The following GPR151 variants were observed in gnomAD, a reference collection of about 807,000 sequenced individuals.
GPR151 encodes the protein G protein-coupled receptor 151.
In GPR151, 16 loss-of-function variants were observed where a neutral mutation model predicts 18.2. The observed-to-expected ratio is 0.88, with a 90% CI of 0.60 to 1.34. The LOEUF (loss-of-function observed/expected upper bound fraction) is 1.34. Ranked by LOEUF, GPR151 falls within the 40% of genes most tolerant of loss-of-function variation. GPR151 has a pLI of 0.00. For missense variants in GPR151, 509 were observed against 504.3 expected, an observed-to-expected ratio of 1.01 and a Z score of -0.09; for synonymous variants, 202 against 191.2, an observed-to-expected ratio of 1.06 and a Z score of -0.47.
Position 146,515,876 on chromosome 5 carries a change from G to C in GPR151, c.238C>G (p.Leu80Val). 4 of 1,614,206 alleles carry C rather than the reference G, an allele frequency of 2.5e-6. No homozygotes were observed. The change falls in exon 1 of 1, where the codon CTC (leucine) becomes GTC (valine). Residue 80 changes from leucine to valine, a missense_variant. Leu to Val is a conservative substitution (Grantham distance 32). Coordinates refer to ENST00000311104, the MANE Select transcript of GPR151 (RefSeq NM_194251.3). ...PSMIHSLILN[L>V]SLADLSLLLF... ...AGGAGGGAGAGATCAGCCAGGCTGA[G>C]ATTCAGAATCAGGGAGTGGATCATG... is the stretch of plus-strand genomic sequence containing the variant.
At position 146,515,144 on chromosome 5, in the gene GPR151, TC is replaced by T. The variant is rs747687705; in HGVS notation, c.969del (p.Trp323Ter). ...ACAGTTGGAGGTTTTTTGGTTATCA[TC>T]CATTTCCATACACCTTTCAAGCCTT... is the stretch of plus-strand genomic sequence containing the variant. ...FREGLKGVWK[W>X]MITKKPPTVS... On this transcript the variant is annotated frameshift_variant, in exon 1 of 1. Transcript: ENST00000311104. LOFTEE classifies it low-confidence loss of function (END_TRUNC). 6.2e-7 allele frequency: 1 copy of T among 1,614,054 alleles called. No homozygotes were observed. Among genetic ancestry groups the T allele is most frequent in the East Asian group, 2.2e-5 (1 of 44,880 alleles).
chr5:146,514,041 C>T lies in GPR151; in HGVS notation c.*813G>A, dbSNP rs1768561189. 1 of 152,010 alleles carries T rather than the reference C, an allele frequency of 6.6e-6. No individual in the cohort carries two copies. Among genetic ancestry groups the T allele is most frequent in the African/African-American group, 2.4e-5 (1 of 41,426 alleles). 9.4% of individuals were successfully genotyped at this position (152,010 alleles called of 1,614,324 possible). The stretch of plus-strand genomic sequence containing the variant: ...TTCTGCTTATAGAAAAATAACTTTC[C>T]CACATTTTGGAAGTGAAGAGAGGAC... On this transcript the variant is annotated 3_prime_UTR_variant, in exon 1 of 1. Coordinates refer to ENST00000311104, the MANE Select transcript of GPR151 (RefSeq NM_194251.3).
Position 146,515,571 on chromosome 5 carries a change from A to T in GPR151, c.543T>A (p.His181Gln), listed in dbSNP as rs760600394. 6.2e-7 allele frequency: 1 copy of T among 1,614,158 alleles called. No homozygotes were observed. Among genetic ancestry groups the T allele is most frequent in the Admixed American group, 1.7e-5 (1 of 60,022 alleles). ...PEWFFSTIRH[H>Q]EGVEMCLVDV... The stretch of plus-strand genomic sequence containing the variant: ...CCACGAGGCACATTTCCACACCTTC[A>T]TGATGCCTGATGGTGCTAAAGAACC... The change falls in exon 1 of 1, where the codon CAT becomes CAA. Residue 181 changes from histidine (H) to glutamine (Q), a missense_variant. Transcript: ENST00000311104.
Position 146,515,599 on chromosome 5 carries a change from T to G in GPR151, c.515A>C (p.Glu172Ala). ...WTVASLLPLP[E>A]WFFSTIRHHE... ...ATGCCTGATGGTGCTAAAGAACCATTCCGGCAGGGGTAACAGGCTAGCCAC... is the reference window on the plus strand; with the variant it reads ...ATGCCTGATGGTGCTAAAGAACCATGCCGGCAGGGGTAACAGGCTAGCCAC... The change falls in exon 1 of 1, where the codon GAA becomes GCA. Residue 172 changes from glutamate (E) to alanine (A), a missense_variant. Glu to Ala is a moderately radical substitution (Grantham distance 107). Coordinates refer to ENST00000311104, the MANE Select transcript of GPR151 (RefSeq NM_194251.3). 2 of 1,614,110 alleles carry G rather than the reference T, an allele frequency of 1.2e-6. No homozygotes were observed. Among genetic ancestry groups the G allele is most frequent in the Non-Finnish European group, 1.7e-6 (2 of 1,180,014 alleles).
rs551697657 is a variant in GPR151, at chr5:146,515,616, G to T, written c.498C>A (p.Ser166Arg). 7 of 1,614,180 alleles carry T rather than the reference G, an allele frequency of 4.3e-6. No individual in the cohort carries two copies. The highest frequency in any genetic ancestry group is 5.9e-6 in the Non-Finnish European group (7 of 1,180,034). ...AGAACCATTCCGGCAGGGGTAACAG[G>T]CTAGCCACAGTCCAGATGGCCACCA... ...SVLVAIWTVA[S>R]LLPLPEWFFS... The change falls in exon 1 of 1, where the codon AGC (serine) becomes AGA (arginine). Residue 166 changes from serine to arginine, a missense_variant. Coordinates refer to ENST00000311104, the MANE Select transcript of GPR151 (RefSeq NM_194251.3).
At position 146,514,697 on chromosome 5, in the gene GPR151, T is replaced by C; in HGVS notation, c.*157A>G. 1 of 578,468 alleles carries C rather than the reference T, an allele frequency of 1.7e-6. No individual in the cohort carries two copies. Among genetic ancestry groups the C allele is most frequent in the East Asian group, 2.8e-5 (1 of 35,122 alleles). 35.8% of individuals were successfully genotyped at this position (578,468 alleles called of 1,614,324 possible). ...AATTATTACTTCTAACATGGTTCTCTACTTACCACATTGCACATTTGGAAA... is the reference window on the plus strand; with the variant it reads ...AATTATTACTTCTAACATGGTTCTCCACTTACCACATTGCACATTTGGAAA... On this transcript the variant is annotated 3_prime_UTR_variant, in exon 1 of 1. Transcript: ENST00000311104.
rs1405056072 is a variant in GPR151, at chr5:146,515,463, A to C, written c.651T>G (p.Phe217Leu). ...PLLAFGLPLF[F>L]ASFYFWRAYD... ...AAGCTCTCCAGAAATAAAAGCTGGC[A>C]AAAAATAATGGAAGGCCAAATGCCA... Residue 217 changes from phenylalanine to leucine, a missense_variant, in exon 1 of 1, where the codon TTT becomes TTG. Transcript: ENST00000311104. 1 of 1,614,142 alleles carries C rather than the reference A, an allele frequency of 6.2e-7. No individual in the cohort carries two copies. Among genetic ancestry groups the C allele is most frequent in the African/African-American group, 1.3e-5 (1 of 75,062 alleles).
rs1230828314 is a variant in GPR151 at position 146,514,730 on chromosome 5, TTG to T, written c.*122_*123del. 1.5e-6 allele frequency: 1 copy of T among 668,562 alleles called. No homozygotes were observed. The allele number at this position is 668,562 out of a possible 1,614,324, so 41.4% of individuals were successfully genotyped here. ...ACATTGCACATTTGGAAAGTGTAGA[TTG>T]TGAAATATTTTTATAATTCCTAATG... On this transcript the variant is annotated 3_prime_UTR_variant, in exon 1 of 1. Transcript: ENST00000311104.
rs888765502 is a variant in GPR151, at chr5:146,514,024, A to G, written c.*830T>C. ...TATTAGGAGGAACACATTTCTGCTT[A>G]TAGAAAAATAACTTTCCCACATTTT... On this transcript the variant is annotated 3_prime_UTR_variant, in exon 1 of 1. Coordinates refer to ENST00000311104, the MANE Select transcript of GPR151 (RefSeq NM_194251.3). 1.3e-5 allele frequency: 2 copies of G among 152,218 alleles called. No homozygotes were observed. Among genetic ancestry groups the G allele is most frequent in the Non-Finnish European group, 2.9e-5 (2 of 68,046 alleles). The allele number at this position is 152,218 out of a possible 1,614,324, so 9.4% of individuals were successfully genotyped here. A position where few individuals can be genotyped will look rare whatever the true frequency, so the allele number is the denominator to read the frequency against.
In GPR151 at chr5:146,515,603, G is replaced by A. The variant is rs1324365718; in HGVS notation, c.511C>T (p.Pro171Ser). The change falls in exon 1 of 1, where the codon CCG becomes TCG. Residue 171 changes from proline to serine, a missense_variant. Transcript: ENST00000311104. ...CTGATGGTGCTAAAGAACCATTCCG[G>A]CAGGGGTAACAGGCTAGCCACAGTC... ...IWTVASLLPL[P>S]EWFFSTIRHH... The A allele has an allele frequency of 4.3e-6, 7 of 1,614,116 alleles. No individual in the cohort carries two copies. The highest frequency in any genetic ancestry group is 5.9e-6 in the Non-Finnish European group (7 of 1,180,032).
rs200472244 is a variant in GPR151, at chr5:146,515,330, A to G, written c.784T>C (p.Leu262=). ...CAAGCTACCCATTCGGGGAGCCACA[A>G]GAGAGCAGAGATGATGGCAATGCTC... is the stretch of plus-strand genomic sequence containing the variant. ...LLSIAIISAL[L]WLPEWVAWLW... Residue 262 remains leucine (L), a synonymous_variant, in exon 1 of 1, where the codon TTG becomes CTG. Coordinates refer to ENST00000311104, the MANE Select transcript of GPR151 (RefSeq NM_194251.3). 1.2e-6 allele frequency: 2 copies of G among 1,614,218 alleles called. No homozygotes were observed. Among genetic ancestry groups the G allele is most frequent in the Non-Finnish European group, 1.7e-6 (2 of 1,180,032 alleles).
In GPR151 at chr5:146,514,730, T is replaced by C. The variant is rs1768572759; in HGVS notation, c.*124A>G. The C allele has an allele frequency of 1.5e-6, 1 of 668,562 alleles. No homozygotes were observed. The highest frequency in any genetic ancestry group is 2.5e-6 in the Non-Finnish European group (1 of 403,724). 41.4% of individuals were successfully genotyped at this position (668,562 alleles called of 1,614,324 possible). A position where few individuals can be genotyped will look rare whatever the true frequency, so the allele number is the denominator to read the frequency against. ...ACATTGCACATTTGGAAAGTGTAGA[T>C]TGTGAAATATTTTTATAATTCCTAA... On this transcript the variant is annotated 3_prime_UTR_variant, in exon 1 of 1. Coordinates refer to ENST00000311104, the MANE Select transcript of GPR151 (RefSeq NM_194251.3).
Position 146,516,160 on chromosome 5 carries a change from T to C in GPR151, c.-47A>G. On this transcript the variant is annotated 5_prime_UTR_variant, in exon 1 of 1. Coordinates refer to ENST00000311104, the MANE Select transcript of GPR151 (RefSeq NM_194251.3). ...GAAGTTAGATTCTTATTTAGGTTTGTCTTTCTGCCTGGGCTCTTTTGCATA... is the reference window on the plus strand; with the variant it reads ...GAAGTTAGATTCTTATTTAGGTTTGCCTTTCTGCCTGGGCTCTTTTGCATA... 1 of 1,535,378 alleles carries C rather than the reference T, an allele frequency of 6.5e-7. No individual in the cohort carries two copies. Among genetic ancestry groups the C allele is most frequent in the Non-Finnish European group, 8.8e-7 (1 of 1,138,286 alleles).
rs1581603255 is a variant in GPR151, at chr5:146,516,175, T to C, written c.-62A>G. ...TTTAGGTTTGTCTTTCTGCCTGGGC[T>C]CTTTTGCATAGGAAATAAGTACTCT... On this transcript the variant is annotated 5_prime_UTR_variant, in exon 1 of 1. Transcript: ENST00000311104. 6.8e-7 allele frequency: 1 copy of C among 1,467,164 alleles called. No individual in the cohort carries two copies. The highest frequency in any genetic ancestry group is 9.2e-7 in the Non-Finnish European group (1 of 1,083,702). 90.9% of individuals were successfully genotyped at this position (1,467,164 alleles called of 1,614,324 possible). A position where few individuals can be genotyped will look rare whatever the true frequency, so the allele number is the denominator to read the frequency against.
rs1768572226 is a variant in GPR151, at chr5:146,514,709, T to G, written c.*145A>C. Reference sequence around the variant, plus strand: ...TAACATGGTTCTCTACTTACCACATTGCACATTTGGAAAGTGTAGATTGTG... The same window carrying G: ...TAACATGGTTCTCTACTTACCACATGGCACATTTGGAAAGTGTAGATTGTG... On this transcript the variant is annotated 3_prime_UTR_variant, in exon 1 of 1. Coordinates refer to ENST00000311104, the MANE Select transcript of GPR151 (RefSeq NM_194251.3). The G allele has an allele frequency of 6.6e-6, 4 of 608,612 alleles. No individual in the cohort carries two copies. The South Asian group carries it at 1.0e-4, about 16-fold the overall frequency. The allele number at this position is 608,612 out of a possible 1,614,324, so 37.7% of individuals were successfully genotyped here. A position where few individuals can be genotyped will look rare whatever the true frequency, so the allele number is the denominator to read the frequency against.
In GPR151 at chr5:146,514,980, TG is replaced by T. The variant is rs1222569145; in HGVS notation, c.1133del (p.Ala378GlufsTer9). The T allele has an allele frequency of 6.2e-7, 1 of 1,614,050 alleles. No homozygotes were observed. The highest frequency in any genetic ancestry group is 2.2e-5 in the East Asian group (1 of 44,898). ...CTACGTCAGGAAGGATGGGAATCTC[TG>T]CCTTCTCAGTTTTCCCTTTGCCAGA... ...PSSGKGKTEK[A>X]EIPILPDVEQ... On this transcript the variant is annotated frameshift_variant, in exon 1 of 1. Coordinates refer to ENST00000311104, the MANE Select transcript of GPR151 (RefSeq NM_194251.3). LOFTEE classifies it high-confidence loss of function.
chr5:146,515,956 C>T lies in GPR151; in HGVS notation c.158G>A (p.Gly53Glu), dbSNP rs1160115242. ...GAGGATGCCAATCACACACAGGTTT[C>T]CCACGAAGCCCACCAGGCAGACAGC... is the stretch of plus-strand genomic sequence containing the variant. ...LVAVCLVGFV[G>E]NLCVIGILLH... is the part of the protein sequence containing the mutation. Residue 53 changes from glycine to glutamate, a missense_variant, in exon 1 of 1, where the codon GGA becomes GAA. Gly to Glu is a moderately conservative substitution (Grantham distance 98). Transcript: ENST00000311104. The T allele has an allele frequency of 1.9e-6, 3 of 1,614,136 alleles. No individual in the cohort carries two copies. In the African/African-American group the frequency reaches 4.0e-5, roughly 22 times the overall value.
chr5:146,515,400 A>T lies in GPR151; in HGVS notation c.714T>A (p.Asn238Lys). ...GCTTTGAGCGTATCTGGTTTCTAAG[A>T]TTTTGAGTCTTAGTTCCTCGTTTTT... The part of the protein sequence containing the change: ...QCKKRGTKTQ[N>K]LRNQIRSKQV... The change falls in exon 1 of 1, where the codon AAT becomes AAA. Residue 238 changes from asparagine (N) to lysine (K), a missense_variant. Transcript: ENST00000311104. 6.2e-7 allele frequency: 1 copy of T among 1,614,142 alleles called. No individual in the cohort carries two copies. Among genetic ancestry groups the T allele is most frequent in the Non-Finnish European group, 8.5e-7 (1 of 1,180,044 alleles).
rs1306629875 is a variant in GPR151 at position 146,513,252 on chromosome 5, C to A, written c.*1602G>T. The A allele has an allele frequency of 6.6e-6, 1 of 152,084 alleles. No homozygotes were observed. Among genetic ancestry groups the A allele is most frequent in the African/African-American group, 2.4e-5 (1 of 41,418 alleles). 9.4% of individuals were successfully genotyped at this position (152,084 alleles called of 1,614,324 possible). A position where few individuals can be genotyped will look rare whatever the true frequency, so the allele number is the denominator to read the frequency against. On this transcript the variant is annotated 3_prime_UTR_variant, in exon 1 of 1. Coordinates refer to ENST00000311104, the MANE Select transcript of GPR151 (RefSeq NM_194251.3). The stretch of plus-strand genomic sequence containing the variant: ...ACAATGATAATCCTTTTTATAACTA[C>A]CATATCACAAGACAATATTTTGGAT...
Sources: gnomAD v4.1 joint callset for allele counts on GRCh38, gnomAD v4.1.1 for gene constraint, MANE v1.5 for transcripts, NCBI Gene and HGNC (gene_info 2026-07-23, HGNC 2026-07-21) for gene names.